The following TTC7B variants were observed in gnomAD, a reference collection of about 807,000 sequenced individuals.
The protein encoded by TTC7B is tetratricopeptide repeat protein 7B.
A neutral mutation model predicts 106.8 loss-of-function variants in TTC7B; 28 were observed. The observed-to-expected ratio is 0.26, with a 90% CI of 0.19 to 0.36. The LOEUF is 0.36. Ranked by LOEUF, TTC7B falls within the 10% of genes least tolerant of loss-of-function variation. The pLI is 1.00. For synonymous variants in TTC7B, 405 were observed against 430.6 expected, an observed-to-expected ratio of 0.94 and a Z score of 0.74; for missense variants, 862 against 1,076.4, an observed-to-expected ratio of 0.80 and a Z score of 2.79.
rs1354583146 is a variant in TTC7B, at chr14:90,575,300, G to A, written c.2310+2806C>T. On this transcript the variant is annotated intron_variant, in intron 19 of 19. Transcript: ENST00000328459. This position sits in a 1 kb window ranked among gnomAD's most constrained non-coding sequence, Gnocchi z 5.2. ...CCTCATTTATATAGCTGAGGAAAAT[G>A]AGGCACCAAGAGGGTGAATAACCTG... Among the ~76,000 whole-genome samples the A allele has an allele frequency of 1.3e-5, 2 of 152,224 alleles. No homozygotes were observed. The highest frequency in any genetic ancestry group is 2.9e-5 in the Non-Finnish European group (2 of 68,034).
chr14:90,809,751 C>A (rs1261183346), intron 1 of TTC7B, among the ~76,000 whole-genome samples: 1 of 152,240 alleles, frequency 6.6e-6, no homozygotes, highest in African/African-American at 2.4e-5. Context: ...AACTCCATGT[C>A]ATGGGGCCAG....
chr14:90,790,472 C>A (rs557209802), intron 1 of TTC7B, among the ~76,000 whole-genome samples: 1 of 151,994 alleles, frequency 6.6e-6, no homozygotes, highest in African/African-American at 2.4e-5. Flanking sequence ...GATTTAAACC[C>A]AAATTTGTCA....
At chr14:90,741,719 T>C (rs1039421610) in intron 4 of TTC7B, among the ~76,000 whole-genome samples, 1 of 152,190 alleles carries the variant, frequency 6.6e-6, no homozygotes, top group Non-Finnish European at 1.5e-5. Flanking sequence ...CACACAACTA[T>C]CTTGCCACAT....
chr14:90,573,131 G>A (rs1891097751), intron 19 of TTC7B, among the ~76,000 whole-genome samples: 1 of 152,154 alleles, frequency 6.6e-6, no homozygotes, highest in South Asian at 2.1e-4. Flanking sequence ...CCTCAGCCTT[G>A]CCTTGGAAAC....
At chr14:90,794,211 C>CTTTTT (rs1186061223) in intron 1 of TTC7B, among the ~76,000 whole-genome samples, 2 of 45,096 alleles carry the variant, frequency 4.4e-5, no homozygotes, top group African/African-American at 1.4e-4. Flanking sequence ...CTGGGTATTT[C>CTTTTT]TTTTTTTTTT....
At chr14:90,559,098 T>C (rs947714549) in intron 19 of TTC7B, among the ~76,000 whole-genome samples, 10 of 152,220 alleles carry the variant, frequency 6.6e-5, no homozygotes, top group Admixed American at 6.5e-4. Context: ...AAACCTCCAG[T>C]CAGCTGTGAC....
chr14:90,593,619 G>A lies in TTC7B; in HGVS notation c.1974C>T (p.Val658=). Residue 658 remains valine (V), a synonymous_variant, in exon 18 of 20, where the codon GTC becomes GTT. Coordinates refer to ENST00000328459, the MANE Select transcript of TTC7B (RefSeq NM_001010854.2). The stretch of plus-strand genomic sequence containing the variant: ...TTGAGGCTGCTACCGATGTGGCATG[G>A]ACGGAGCCTGTGAGAGGTTTTTGAG... ...PDFSDPETGS[V]HATSVAASRV... The A allele has an allele frequency of 6.3e-7, 1 of 1,599,666 alleles. No homozygotes were observed. The highest frequency in any genetic ancestry group is 8.5e-7 in the Non-Finnish European group (1 of 1,172,104).
At chr14:90,798,529 G>A (rs1482810587) in intron 1 of TTC7B, among the ~76,000 whole-genome samples, 2 of 151,980 alleles carry the variant, frequency 1.3e-5, no homozygotes, top group African/African-American at 2.4e-5. Context: ...TGGCCAACAT[G>A]GCAAAACCCC....
intron 15 of TTC7B, among the ~76,000 whole-genome samples, chr14:90,630,957 C>T (rs547327362): frequency 6.6e-6 from 1 of 152,124 alleles, no homozygotes; most frequent in South Asian, 2.1e-4. Flanking sequence ...GCCTCAGCCT[C>T]CCGAGTAGCT....
intron 19 of TTC7B, among the ~76,000 whole-genome samples, chr14:90,573,430 G>C (rs527870258): frequency 2.1e-3 from 232 of 111,970 alleles, no homozygotes; most frequent in African/African-American, 8.6e-3. Context: ...TCCCTCTCCG[G>C]CTCACGGTCC....
intron 15 of TTC7B, among the ~76,000 whole-genome samples, chr14:90,628,412 C>T (rs1229279139): frequency 6.6e-6 from 1 of 152,182 alleles, no homozygotes; most frequent in East Asian, 1.9e-4. Flanking sequence ...GCCCCCAAGG[C>T]CCTGATTTCT....
At chr14:90,683,652 G>T (rs1310860156) in intron 7 of TTC7B, among the ~76,000 whole-genome samples, 2 of 151,976 alleles carry the variant, frequency 1.3e-5, no homozygotes, top group Non-Finnish European at 2.9e-5. Flanking sequence ...AAGAAAGAAG[G>T]GTCCCTCACG....
rs1184194478 is a variant in TTC7B, at chr14:90,663,861, TAC to T, written c.1153-5476_1153-5475del. ...AGTGGGCTCTTGGCATCTTATGAGA[TAC>T]AGTGACGGCACGCCGGCTTTGGAAA... On this transcript the variant is annotated intron_variant, in intron 9 of 19. Coordinates refer to ENST00000328459, the MANE Select transcript of TTC7B (RefSeq NM_001010854.2). The surrounding 1 kb of genome is among the most constrained non-coding windows in gnomAD (Gnocchi z 4.5). Among the ~76,000 whole-genome samples, 3 of 152,200 alleles carry T rather than the reference TAC, an allele frequency of 2.0e-5. No homozygotes were observed. The highest frequency in any genetic ancestry group is 4.8e-5 in the African/African-American group (2 of 41,456).
At chr14:90,561,353 T>C (rs1323557313) in intron 19 of TTC7B, among the ~76,000 whole-genome samples, 3 of 151,024 alleles carry the variant, frequency 2.0e-5, no homozygotes, top group Admixed American at 2.0e-4. Context: ...TGTGTGTGCA[T>C]GTCCAAGATT....
Position 90,588,408 on chromosome 14 carries a change from G to A in TTC7B, c.2107+5078C>T, listed in dbSNP as rs148055023. On this transcript the variant is annotated intron_variant, in intron 18 of 19. Coordinates refer to ENST00000328459, the MANE Select transcript of TTC7B (RefSeq NM_001010854.2). ...AACAAGCAGAAATTAACCACCTACCGCAAAGTCATTTTTAGCTGCCATCCC... is the reference window on the plus strand; with the variant it reads ...AACAAGCAGAAATTAACCACCTACCACAAAGTCATTTTTAGCTGCCATCCC... Among the ~76,000 whole-genome samples the A allele has an allele frequency of 1.5e-3, 228 of 152,316 alleles. 1 individual carries two copies. Among genetic ancestry groups the A allele is most frequent in the African/African-American group, 5.1e-3 (214 of 41,574 alleles).
intron 7 of TTC7B, among the ~76,000 whole-genome samples, chr14:90,687,818 A>C (rs1314100105): frequency 6.6e-6 from 1 of 152,250 alleles, no homozygotes; most frequent in Non-Finnish European, 1.5e-5. Flanking sequence ...CGATAAGCCG[A>C]GGGAAAAACC....
chr14:90,761,576 A>G (rs1890503954), intron 3 of TTC7B, among the ~76,000 whole-genome samples: 2 of 152,202 alleles, frequency 1.3e-5, no homozygotes, highest in South Asian at 4.1e-4. Context: ...CCCATGTGGC[A>G]CAGCTAGCCT....
intron 1 of TTC7B, among the ~76,000 whole-genome samples, chr14:90,811,887 G>A (rs938583312): frequency 1.8e-4 from 28 of 152,340 alleles, no homozygotes; most frequent in Admixed American, 1.2e-3. Flanking sequence ...GCAGCCGTCC[G>A]TCAGGACAGT....
rs1482955348 is a variant in TTC7B at position 90,575,754 on chromosome 14, C to A, written c.2310+2352G>T. On this transcript the variant is annotated intron_variant, in intron 19 of 19. Transcript: ENST00000328459. The surrounding 1 kb of genome is among the most constrained non-coding windows in gnomAD (Gnocchi z 5.2). ...ACTGATCAGTCACTGGGCAAAGTTT[C>A]TGACTGCGAGACTCTAAACTCCTCA... 6.6e-6 allele frequency among the ~76,000 whole-genome samples: 1 copy of A among 152,226 alleles called. No individual in the cohort carries two copies. The highest frequency in any genetic ancestry group is 2.4e-5 in the African/African-American group (1 of 41,456).
Sources: allele counts gnomAD v4.1 joint callset (sites outside exome capture counted in the v4.1 genomes callset), GRCh38; gene constraint gnomAD v4.1.1; non-coding constraint Gnocchi (gnomAD v3.1); transcripts MANE v1.5; gene names NCBI Gene and HGNC (gene_info 2026-07-23, HGNC 2026-07-21).